GRB14: variants seen among roughly 807,000 people sequenced by gnomAD.
GRB14 encodes growth factor receptor-bound protein 14.
GRB14 carries 38 observed loss-of-function variants against 69.1 expected under a neutral mutation model. That is an observed-to-expected ratio of 0.55 (90% CI 0.42 to 0.72). The LOEUF (loss-of-function observed/expected upper bound fraction) is 0.72, where lower values mean the gene tolerates loss of function less well. Among genes scored for constraint, GRB14 ranks in the 30% least tolerant of loss-of-function variants. GRB14 has a pLI of 0.00. For synonymous variants in GRB14, 247 were observed against 241.3 expected, an observed-to-expected ratio of 1.02 and a Z score of -0.22; for missense variants, 666 against 666.1, an observed-to-expected ratio of 1.00 and a Z score of 0.00.
intron 3 of GRB14, among the ~76,000 whole-genome samples, chr2:164,539,244 GCA>G (rs1559041277): frequency 1.3e-5 from 2 of 152,210 alleles, no homozygotes; most frequent in South Asian, 2.1e-4. Context: ...GGAGGCCAAG[GCA>G]GATGGATCAC....
At chr2:164,500,290 A>T (rs557238758) in intron 9 of GRB14, among the ~76,000 whole-genome samples, 1 of 152,206 alleles carries the variant, frequency 6.6e-6, no homozygotes, top group South Asian at 2.1e-4. Flanking sequence ...TGGCTGTTAC[A>T]TCCTTTATAT....
intron 2 of GRB14, among the ~76,000 whole-genome samples, chr2:164,587,688 A>G (rs886901167): frequency 6.6e-6 from 1 of 152,212 alleles, no homozygotes; most frequent in East Asian, 1.9e-4. Context: ...TTTAAGGCAA[A>G]GATCTTCACC....
At chr2:164,605,843 T>C (rs867940077) in intron 2 of GRB14, among the ~76,000 whole-genome samples, 9 of 152,126 alleles carry the variant, frequency 5.9e-5, no homozygotes, top group African/African-American at 9.7e-5. Context: ...GAAAGGACTA[T>C]GGCTAAAGAA....
At chr2:164,529,363 G>A (rs1280149038) in intron 3 of GRB14, among the ~76,000 whole-genome samples, 1 of 152,106 alleles carries the variant, frequency 6.6e-6, no homozygotes, top group Non-Finnish European at 1.5e-5. Context: ...ACAACAATGT[G>A]AATTCATATA....
intron 6 of GRB14, among the ~76,000 whole-genome samples, chr2:164,515,636 T>C (rs576326627): frequency 1.3e-5 from 2 of 152,158 alleles, no homozygotes; most frequent in African/African-American, 4.8e-5. Flanking sequence ...ACAATACTGG[T>C]AATATGACAA....
chr2:164,552,045 T>C (rs1278569179), intron 2 of GRB14, among the ~76,000 whole-genome samples: 1 of 151,882 alleles, frequency 6.6e-6, no homozygotes, highest in African/African-American at 2.4e-5. Flanking sequence ...GGGAGGGCGG[T>C]GTAAGATGCT....
At chr2:164,527,778 G>A (rs1416296331) in intron 3 of GRB14, among the ~76,000 whole-genome samples, 1 of 151,992 alleles carries the variant, frequency 6.6e-6, no homozygotes, top group East Asian at 1.9e-4. Flanking sequence ...ATAATTAAGT[G>A]GGTGGGAAGG....
rs549427000 is a variant in GRB14 at position 164,527,902 on chromosome 2, T to G, written c.482-767A>C. Reference sequence around the variant, plus strand: ...AACTGTGAGGATGTTGACAGTAGTATTATTCATAATAGCCCCAAACTTGAA... The same window carrying G: ...AACTGTGAGGATGTTGACAGTAGTAGTATTCATAATAGCCCCAAACTTGAA... On this transcript the variant is annotated intron_variant, in intron 3 of 13. Coordinates refer to ENST00000263915, the MANE Select transcript of GRB14 (RefSeq NM_004490.3). Among the ~76,000 whole-genome samples the G allele has an allele frequency of 1.4e-4, 21 of 152,120 alleles. No individual in the cohort carries two copies. In the South Asian group the frequency reaches 4.3e-3, roughly 31 times the overall value.
intron 6 of GRB14, among the ~76,000 whole-genome samples, chr2:164,513,910 A>T (rs1338949743): frequency 6.6e-6 from 1 of 152,200 alleles, no homozygotes; most frequent in East Asian, 1.9e-4. Context: ...GTTGCATAAA[A>T]TGTCAACACT....
intron 2 of GRB14, among the ~76,000 whole-genome samples, chr2:164,555,212 T>C (rs1249222469): frequency 1.3e-5 from 2 of 152,232 alleles, no homozygotes; most frequent in Non-Finnish European, 2.9e-5. Context: ...AGCCAGATCC[T>C]TTTCAATGTG....
At chr2:164,568,366 A>T in intron 2 of GRB14, 2 of 1,288,648 alleles carry the variant, frequency 1.6e-6, no homozygotes, top group Non-Finnish European at 2.0e-6. Context: ...CTCTTCTTGC[A>T]CTCAAACTCA....
Position 164,592,085 on chromosome 2 carries a change from A to G in GRB14, c.324+27602T>C, listed in dbSNP as rs186770686. 3.2e-4 allele frequency among the ~76,000 whole-genome samples: 48 copies of G among 151,864 alleles called. 1 individual carries two copies. The Middle Eastern group carries it at 0.01, about 33-fold the overall frequency. On this transcript the variant is annotated intron_variant, in intron 2 of 13. Coordinates refer to ENST00000263915, the MANE Select transcript of GRB14 (RefSeq NM_004490.3). ...TCTAGCCACGTGGAAGTGTGAATCT[A>G]TTAAACCTCTTTTTCTTTATAAATT...
chr2:164,540,979 A>G (rs1038575940), intron 3 of GRB14, among the ~76,000 whole-genome samples: 4 of 152,234 alleles, frequency 2.6e-5, no homozygotes, highest in Non-Finnish European at 5.9e-5. Context: ...AGTGCACAAA[A>G]GAAAAAAGAA....
chr2:164,579,501 GCACACACACACA>G lies in GRB14; in HGVS notation c.325-31697_325-31686del, dbSNP rs61305070. Among the ~76,000 whole-genome samples, 562 of 145,068 alleles carry G rather than the reference GCACACACACACA, an allele frequency of 3.9e-3. 1 individual carries two copies. Among genetic ancestry groups the G allele is most frequent in the East Asian group, 0.017 (81 of 4,712 alleles). The stretch of plus-strand genomic sequence containing the variant: ...CCTCATTTTATTACAGGGCACACTT[GCACACACACACA>G]CACACACACACACACACACACACAC... On this transcript the variant is annotated intron_variant, in intron 2 of 13. Coordinates refer to ENST00000263915, the MANE Select transcript of GRB14 (RefSeq NM_004490.3).
chr2:164,578,807 C>A (rs1355275507), intron 2 of GRB14, among the ~76,000 whole-genome samples: 1 of 152,134 alleles, frequency 6.6e-6, no homozygotes, highest in Admixed American at 6.5e-5. Flanking sequence ...GACATAGGCA[C>A]TCCTTTTCTG....
At chr2:164,547,891 T>A in intron 2 of GRB14, 75 bp from the exon 3 acceptor site, 1 of 992,946 alleles carries the variant, frequency 1.0e-6, no homozygotes, top group Non-Finnish European at 1.5e-6. Context: ...TGTATATATT[T>A]AAAGTATACA....
intron 2 of GRB14, among the ~76,000 whole-genome samples, chr2:164,559,106 G>T (rs1688755513): frequency 6.6e-6 from 1 of 151,984 alleles, no homozygotes; most frequent in African/African-American, 2.4e-5. Flanking sequence ...AATAAAATAT[G>T]CTATGTTCAA....
intron 2 of GRB14, among the ~76,000 whole-genome samples, chr2:164,561,589 T>C (rs962355741): frequency 2.6e-5 from 4 of 152,040 alleles, no homozygotes; most frequent in African/African-American, 9.7e-5. Flanking sequence ...CGGTGATGAG[T>C]AGCTATGCAG....
rs567038157 is a variant in GRB14 at position 164,516,042 on chromosome 2, CA to C, written c.816+5937del. Among the ~76,000 whole-genome samples, 241 of 151,426 alleles carry C rather than the reference CA, an allele frequency of 1.6e-3. 1 individual carries two copies. Among genetic ancestry groups the C allele is most frequent in the Non-Finnish European group, 2.7e-3 (180 of 67,874 alleles). On this transcript the variant is annotated intron_variant, in intron 6 of 13. Coordinates refer to ENST00000263915, the MANE Select transcript of GRB14 (RefSeq NM_004490.3). The stretch of plus-strand genomic sequence containing the variant: ...AAAAAAAAATAATTTAAAAGATGAA[CA>C]AAGCCTCCAAGAAGTTTCGGATTAT...
Sources: gnomAD v4.1 joint callset for allele counts (sites outside exome capture counted in the v4.1 genomes callset) on GRCh38, gnomAD v4.1.1 for gene constraint, MANE v1.5 for transcripts, NCBI Gene and HGNC (gene_info 2026-07-23, HGNC 2026-07-21) for gene names.